Variants in COL24A1 observed in about 807,000 individuals in gnomAD.
COL24A1 encodes the protein collagen alpha-1(XXIV) chain.
In COL24A1, 224 loss-of-function variants were observed where a neutral mutation model predicts 253.9. The observed-to-expected ratio is 0.88, with a 90% CI of 0.79 to 0.99. The LOEUF (loss-of-function observed/expected upper bound fraction) is 0.99. Among genes scored for constraint, COL24A1 ranks in the 50% least tolerant of loss-of-function variants. The pLI, the probability that COL24A1 is intolerant of heterozygous loss-of-function variation, is 0.00. For missense variants in COL24A1, 2,131 were observed against 2,068.5 expected, an observed-to-expected ratio of 1.03 and a Z score of -0.59; for synonymous variants, 685 against 673.7, an observed-to-expected ratio of 1.02 and a Z score of -0.26.
At chr1:85,970,407 G>A in intron 21 of COL24A1, 136 bp from the exon 22 acceptor site, 1 of 884,128 alleles carries the variant, frequency 1.1e-6, no homozygotes, top group South Asian at 2.4e-5. Context: ...TTATTTTCTT[G>A]TACTTTGAAC....
At chr1:85,853,004 T>C (rs1406922885) in intron 37 of COL24A1, among the ~76,000 whole-genome samples, 2 of 152,188 alleles carry the variant, frequency 1.3e-5, no homozygotes, top group Non-Finnish European at 2.9e-5. Context: ...GGGGTACATG[T>C]GCAGGTTTGT....
At chr1:86,027,633 GTT>G (rs1029649130) in intron 14 of COL24A1, among the ~76,000 whole-genome samples, 1 of 152,164 alleles carries the variant, frequency 6.6e-6, no homozygotes, top group African/African-American at 2.4e-5. Context: ...CCAGGCAGAA[GTT>G]TGCTGCAGGG....
chr1:85,983,782 T>TGG (rs1693464679), intron 20 of COL24A1, among the ~76,000 whole-genome samples: 1 of 151,818 alleles, frequency 6.6e-6, no homozygotes, highest in African/African-American at 2.4e-5. Flanking sequence ...TAGAAACAAT[T>TGG]TCAACAAAAA....
chr1:86,105,971 C>G (rs781235806), intron 5 of COL24A1, among the ~76,000 whole-genome samples: 1 of 152,170 alleles, frequency 6.6e-6, no homozygotes, highest in African/African-American at 2.4e-5. Context: ...AGTGCCCTTT[C>G]TCTACAGATC....
chr1:85,938,856 G>A lies in COL24A1; in HGVS notation c.2562+22393C>T, dbSNP rs924767847. On this transcript the variant is annotated intron_variant, in intron 24 of 59. Coordinates refer to ENST00000370571, the MANE Select transcript of COL24A1 (RefSeq NM_152890.7). ...AGCCCAGTTACTTAAGCCTAGCATG[G>A]GACTACTCAGATGGGTCATAAAGGA... Among the ~76,000 whole-genome samples, 23 of 152,144 alleles carry A rather than the reference G, an allele frequency of 1.5e-4. 1 individual carries two copies. Among genetic ancestry groups the A allele is most frequent in the African/African-American group, 5.3e-4 (22 of 41,518 alleles).
intron 39 of COL24A1, among the ~76,000 whole-genome samples, chr1:85,843,002 G>A (rs1178654016): frequency 1.3e-5 from 2 of 151,838 alleles, no homozygotes; most frequent in Non-Finnish European, 2.9e-5. Flanking sequence ...TCAGACAATT[G>A]AAAAAGTAAA....
rs549008680 is a variant in COL24A1 at position 86,042,460 on chromosome 1, T to G, written c.1950+4365A>C. Among the ~76,000 whole-genome samples the G allele has an allele frequency of 3.9e-5, 6 of 152,258 alleles. No homozygotes were observed. The South Asian group carries it at 1.0e-3, about 26-fold the overall frequency. ...AAAGAATTTTCTGGGAAATAAGATT[T>G]AAGTGGAAATAAATTTTAACACAAA... On this transcript the variant is annotated intron_variant, in intron 12 of 59. Coordinates refer to ENST00000370571, the MANE Select transcript of COL24A1 (RefSeq NM_152890.7).
In COL24A1 at chr1:85,971,372, G is replaced by T. The variant is rs920862809; in HGVS notation, c.2386C>A (p.Pro796Thr). ...CCTTTGAGACCAGGAGGTCCAGGAG[G>T]TCCTCTATTTCCAAGGAGTCCCTAT... ...GPKGLLGNRG[P>T]PGPPGLKGTQ... Residue 796 changes from proline to threonine, a missense_variant, in exon 21 of 60, where the codon CCT becomes ACT. Physicochemically the swap from Pro to Thr is conservative, Grantham distance 38. Transcript: ENST00000370571. 5 of 1,612,288 alleles carry T rather than the reference G, an allele frequency of 3.1e-6. No individual in the cohort carries two copies. Among genetic ancestry groups the T allele is most frequent in the Non-Finnish European group, 4.2e-6 (5 of 1,179,230 alleles).
chr1:85,951,755 T>G (rs976457258), intron 24 of COL24A1, among the ~76,000 whole-genome samples: 4 of 152,208 alleles, frequency 2.6e-5, no homozygotes, highest in African/African-American at 9.6e-5. Flanking sequence ...AAATTGATTT[T>G]ATCAACATAC....
intron 18 of COL24A1, among the ~76,000 whole-genome samples, chr1:86,020,384 A>C (rs1697415869): frequency 6.6e-6 from 1 of 152,066 alleles, no homozygotes; most frequent in African/African-American, 2.4e-5. Flanking sequence ...CATTTTAAAC[A>C]TGAGAAGCTG....
chr1:85,761,157 T>C (rs1485932730), intron 55 of COL24A1, among the ~76,000 whole-genome samples: 1 of 152,186 alleles, frequency 6.6e-6, no homozygotes, highest in East Asian at 1.9e-4. Flanking sequence ...CTTTACTTCT[T>C]ACTCAACACT....
intron 24 of COL24A1, among the ~76,000 whole-genome samples, chr1:85,959,644 A>ACC (rs1402334487): frequency 6.6e-6 from 1 of 152,096 alleles, no homozygotes; most frequent in Non-Finnish European, 1.5e-5. Context: ...TTGGCACTAT[A>ACC]CCTAGTACAT....
intron 20 of COL24A1, among the ~76,000 whole-genome samples, chr1:85,974,581 C>A (rs146357607): frequency 6.6e-6 from 1 of 151,958 alleles, no homozygotes; most frequent in Non-Finnish European, 1.5e-5. Context: ...AAAAGCATGG[C>A]AAAAACAAAA....
At position 86,031,734 on chromosome 1, in the gene COL24A1, TGA is replaced by T. The variant is rs527294076; in HGVS notation, c.2049+142_2049+143del. On this transcript the variant is annotated intron_variant, in intron 14 of 59. Coordinates refer to ENST00000370571, the MANE Select transcript of COL24A1 (RefSeq NM_152890.7). The stretch of plus-strand genomic sequence containing the variant: ...ACTGGTCTAATTATTCATATCTGGT[TGA>T]AAAAAATACATTTAATCAAGGTTGA... The T allele has an allele frequency of 4.4e-3, 2,450 of 552,248 alleles. 51 individuals are homozygous for T. The highest frequency in any genetic ancestry group is 0.038 in the African/African-American group (1,936 of 51,278). The allele number at this position is 552,248 out of a possible 1,614,324, so 34.2% of individuals were successfully genotyped here.
chr1:86,067,242 C>A (rs979127296), intron 7 of COL24A1, among the ~76,000 whole-genome samples: 12 of 152,008 alleles, frequency 7.9e-5, no homozygotes, highest in Admixed American at 4.6e-4. Context: ...CGGGGCACTT[C>A]TTTAATGCTC....
At chr1:85,915,680 G>T (rs751518770) in intron 24 of COL24A1, among the ~76,000 whole-genome samples, 1 of 152,108 alleles carries the variant, frequency 6.6e-6, no homozygotes, top group African/African-American at 2.4e-5. Context: ...ACAGAGTCTC[G>T]CTGTGTCGCC....
chr1:85,831,869 G>C (rs1247107165), intron 43 of COL24A1, among the ~76,000 whole-genome samples: 1 of 151,918 alleles, frequency 6.6e-6, no homozygotes, highest in Non-Finnish European at 1.5e-5. Flanking sequence ...AAATAATTTT[G>C]GCAAAAAATG....
intron 46 of COL24A1, among the ~76,000 whole-genome samples, chr1:85,817,600 T>C (rs563320915): frequency 5.9e-5 from 9 of 152,312 alleles, no homozygotes; most frequent in South Asian, 4.1e-4. Context: ...ATCTTTGTGA[T>C]GAAAAGATTA....
chr1:85,925,072 A>G (rs1211887983), intron 24 of COL24A1, among the ~76,000 whole-genome samples: 5 of 152,232 alleles, frequency 3.3e-5, no homozygotes, highest in Non-Finnish European at 5.9e-5. Context: ...CTCATTCACA[A>G]TTGCTTCAAA....
Sources: allele counts gnomAD v4.1 joint callset (sites outside exome capture counted in the v4.1 genomes callset), GRCh38; gene constraint gnomAD v4.1.1; transcripts MANE v1.5; gene names NCBI Gene and HGNC (gene_info 2026-07-23, HGNC 2026-07-21).